The following LPA variants were observed in gnomAD, a reference collection of about 807,000 sequenced individuals.
LPA encodes apolipoprotein(a).
LPA carries 199 observed loss-of-function variants against 197.9 expected under a neutral mutation model. The ratio of observed to expected loss-of-function variants is 1.01; its 90% confidence interval spans 0.90 to 1.13. The LOEUF (loss-of-function observed/expected upper bound fraction) is 1.13, where lower values mean the gene tolerates loss of function less well. LPA is among the 50% of genes most tolerant of loss of function. The pLI is 0.00. For synonymous variants in LPA, 715 were observed against 639.5 expected (o/e 1.12, Z -1.78); for missense variants, 1,853 against 1,785.8 (o/e 1.04, Z -0.68).
intron 18 of LPA, among the ~76,000 whole-genome samples, chr6:160,603,139 C>A (rs6940254): frequency 6.6e-6 from 1 of 151,654 alleles, no homozygotes; most frequent in African/African-American, 2.4e-5. Flanking sequence ...CCTTCCTCTC[C>A]TTCTGTGACT....
intron 33 of LPA, 57 bp downstream of exon 33, chr6:160,545,383 T>G (rs1778050455): frequency 7.7e-7 from 1 of 1,305,128 alleles, no homozygotes; most frequent in African/African-American, 1.5e-5. Flanking sequence ...TTTGCTTTTT[T>G]TTTTCCAAAT....
chr6:160,591,377 C>A (rs1583602672), intron 22 of LPA, among the ~76,000 whole-genome samples: 1 of 152,150 alleles, frequency 6.6e-6, no homozygotes, highest in East Asian at 1.9e-4. Flanking sequence ...GATCAGAATA[C>A]CCTCCTTCCA....
chr6:160,649,298 C>T (rs1028707091), intron 2 of LPA, among the ~76,000 whole-genome samples: 4 of 152,142 alleles, frequency 2.6e-5, no homozygotes, highest in African/African-American at 7.2e-5. Context: ...GCTCACTGTT[C>T]CATTGTAGTT....
At chr6:160,557,666 A>G (rs968270551) in intron 28 of LPA, 95 bp from the exon 29 acceptor site, 2 of 1,115,386 alleles carry the variant, frequency 1.8e-6, no homozygotes, top group East Asian at 2.4e-5. Flanking sequence ...AGTGTTAAAA[A>G]GTGACGTTGT....
intron 37 of LPA, among the ~76,000 whole-genome samples, chr6:160,534,146 C>A (rs773804303): frequency 6.6e-6 from 1 of 152,164 alleles, no homozygotes; most frequent in African/African-American, 2.4e-5. Context: ...GAGTCTCTTC[C>A]GCAGAGCTGC....
At chr6:160,604,693 A>T (rs1433468241) in intron 18 of LPA, among the ~76,000 whole-genome samples, 1 of 152,138 alleles carries the variant, frequency 6.6e-6, no homozygotes, top group East Asian at 1.9e-4. Context: ...TCACTTCAGG[A>T]ATTGGAGTTT....
intron 26 of LPA, among the ~76,000 whole-genome samples, chr6:160,584,197 CTTCTTCTTCTTCTTCTT>C (rs1778853693): frequency 9.2e-6 from 1 of 108,810 alleles, no homozygotes; most frequent in Non-Finnish European, 1.8e-5. Context: ...TCTTCTTCTT[CTTCTTCTTCTTCTTCTT>C]CTTCTTCTTC....
At position 160,634,787 on chromosome 6, in the gene LPA, G is replaced by A. The variant is rs1317606849; in HGVS notation, c.1075+336C>T. ...GCTACTTGAAGAAATCCCCAGAAAA[G>A]CTTACTGCGACAGAAAGAATCACAC... On this transcript the variant is annotated intron_variant, in intron 7 of 38. Transcript: ENST00000316300. Among the ~76,000 whole-genome samples, 8 of 150,586 alleles carry A rather than the reference G, an allele frequency of 5.3e-5. 1 individual carries two copies. Among genetic ancestry groups the A allele is most frequent in the African/African-American group, 1.3e-4 (5 of 39,858 alleles).
intron 33 of LPA, among the ~76,000 whole-genome samples, chr6:160,544,974 C>T (rs958509425): frequency 3.3e-5 from 5 of 152,116 alleles, no homozygotes; most frequent in African/African-American, 1.2e-4. Flanking sequence ...GCTGCACTAC[C>T]CTTCATTGAT....
chr6:160,663,969 A>G (rs1780267071), intron 1 of LPA, among the ~76,000 whole-genome samples, 197 bp downstream of exon 1: 1 of 152,180 alleles, frequency 6.6e-6, no homozygotes. Flanking sequence ...CTGCCCATTC[A>G]TTCCAGCACC....
chr6:160,620,874 CGT>C (rs1395093317), intron 12 of LPA, among the ~76,000 whole-genome samples: 1 of 39,732 alleles, frequency 2.5e-5, no homozygotes, highest in Admixed American at 2.3e-4. Context: ...TGAGTTTCTG[CGT>C]GTGTGTGAGT....
chr6:160,547,356 A>C (rs1444863469), intron 32 of LPA, among the ~76,000 whole-genome samples: 2 of 152,146 alleles, frequency 1.3e-5, no homozygotes, highest in Admixed American at 1.3e-4. Context: ...GCTGCCTCTG[A>C]TCTGACAGCT....
intron 26 of LPA, among the ~76,000 whole-genome samples, chr6:160,584,225 TTCTTCTTCTTCTTCCTCC>T (rs1327060822): frequency 2.2e-4 from 23 of 102,888 alleles, no homozygotes; most frequent in South Asian, 9.7e-4. Flanking sequence ...CTTCTTCTTC[TTCTTCTTCTTCTTCCTCC>T]TCCTCCTCCT....
intron 20 of LPA, among the ~76,000 whole-genome samples, chr6:160,598,599 A>G (rs1010359341): frequency 6.6e-6 from 1 of 152,236 alleles, no homozygotes; most frequent in Non-Finnish European, 1.5e-5. Flanking sequence ...GACTGGCCAT[A>G]GAATGGCCAG....
chr6:160,588,255 AG>A (rs1290938154), intron 24 of LPA, among the ~76,000 whole-genome samples: 2 of 150,154 alleles, frequency 1.3e-5, no homozygotes, highest in African/African-American at 2.4e-5. Context: ...AGGGGGGTTG[AG>A]TTTTTTTTTT....
intron 1 of LPA, among the ~76,000 whole-genome samples, chr6:160,661,347 C>T (rs1780223229): frequency 6.6e-6 from 1 of 152,118 alleles, no homozygotes; most frequent in Admixed American, 6.6e-5. Context: ...AAGCCTGGCT[C>T]TGAAAGCAGC....
intron 20 of LPA, among the ~76,000 whole-genome samples, chr6:160,599,125 C>G (rs1003004739): frequency 1.3e-5 from 2 of 152,138 alleles, no homozygotes; most frequent in Non-Finnish European, 2.9e-5. Flanking sequence ...AGGCGGATCA[C>G]GAGGTCAGGA....
chr6:160,663,072 C>T (rs1737185829), intron 1 of LPA, among the ~76,000 whole-genome samples: 1 of 152,196 alleles, frequency 6.6e-6, no homozygotes. Flanking sequence ...AATCCTTGCT[C>T]GCCTCCTCTG....
chr6:160,664,272 T>A lies in LPA; in HGVS notation c.-58A>T. On this transcript the variant is annotated 5_prime_UTR_variant, in exon 1 of 39. The change creates a new upstream start codon in the 5' untranslated region. Coordinates refer to ENST00000316300, the MANE Select transcript of LPA (RefSeq NM_005577.4). ...GTCCCAATCCCAGGACATTGTTGAC[T>A]TACATGAGAGTAAACGCACCCACAA... 2 of 1,575,324 alleles carry A rather than the reference T, an allele frequency of 1.3e-6. No individual in the cohort carries two copies. The highest frequency in any genetic ancestry group is 1.7e-6 in the Non-Finnish European group (2 of 1,156,538).
Sources: allele counts gnomAD v4.1 joint callset (sites outside exome capture counted in the v4.1 genomes callset), GRCh38; gene constraint gnomAD v4.1.1; transcripts MANE v1.5; gene names NCBI Gene and HGNC (gene_info 2026-07-23, HGNC 2026-07-21).